Variants in ILF2 observed in about 807,000 individuals in gnomAD.
ILF2 encodes the protein interleukin enhancer-binding factor 2.
In ILF2, 9 loss-of-function variants were observed where a neutral mutation model predicts 55.3. That is an observed-to-expected ratio of 0.16 (90% CI 0.10 to 0.28). ILF2 has a LOEUF of 0.28. Among genes scored for constraint, ILF2 ranks in the 10% least tolerant of loss-of-function variants. The pLI is 1.00. For synonymous variants in ILF2, 151 were observed against 161.8 expected, an observed-to-expected ratio of 0.93 and a Z score of 0.50; for missense variants, 266 against 474.9, an observed-to-expected ratio of 0.56 and a Z score of 4.09.
rs1223639023 is a variant in ILF2 at position 153,668,069 on chromosome 1, G to A, written c.222C>T (p.Ile74=). The A allele has an allele frequency of 2.5e-6, 4 of 1,603,166 alleles. No homozygotes were observed. Among genetic ancestry groups the A allele is most frequent in the East Asian group, 2.2e-5 (1 of 44,830 alleles). Residue 74 remains isoleucine (I), a synonymous_variant, in exon 5 of 14, where the codon ATC becomes ATT. Coordinates refer to ENST00000361891, the MANE Select transcript of ILF2 (RefSeq NM_004515.4). ...TGTTTATTTTTGTCACCAGAGAAAG[G>A]ATAGATGCCTGAAAAACAGTATGAA... is the stretch of plus-strand genomic sequence containing the variant. ...LAPNSAEQAS[I]LSLVTKINNV...
At chr1:153,668,860 G>C (rs1282896591) in intron 3 of ILF2, among the ~76,000 whole-genome samples, 1 of 151,682 alleles carries the variant, frequency 6.6e-6, no homozygotes, top group Non-Finnish European at 1.5e-5. Flanking sequence ...TCGCGCCATT[G>C]CAACTCCAGC....
rs750173707 is a variant in ILF2 at position 153,670,960 on chromosome 1, C to A, written c.-38G>T. 9 of 1,614,106 alleles carry A rather than the reference C, an allele frequency of 5.6e-6. No individual in the cohort carries two copies. The highest frequency in any genetic ancestry group is 1.3e-5 in the African/African-American group (1 of 75,056). ...CACGAACAATGGAGGCCGCACCAAC[C>A]GCCCCTTCCTCTGAGTAGCAGACAA... On this transcript the variant is annotated 5_prime_UTR_variant, in exon 1 of 14. Transcript: ENST00000361891.
rs1196766870 is a variant in ILF2 at position 153,669,860 on chromosome 1, T to A, written c.84A>T (p.Pro28=). 6.2e-7 allele frequency: 1 copy of A among 1,613,116 alleles called. No homozygotes were observed. The highest frequency in any genetic ancestry group is 8.5e-7 in the Non-Finnish European group (1 of 1,179,074). ...CCAAATAGAAGTCAAATGGGATATG[T>A]GGTACAAAGGGCCTGAACCTAAAAC... ...GPGGGFRPFV[P]HIPFDFYLCE... Residue 28 remains proline, a synonymous_variant, in exon 3 of 14, where the codon CCA becomes CCT. Transcript: ENST00000361891.
chr1:153,664,621 G>A (rs966521271), intron 8 of ILF2, 147 bp from the exon 9 acceptor site: 20 of 665,104 alleles, frequency 3.0e-5, no homozygotes, highest in African/African-American at 2.3e-4. Context: ...GTACAGTGGC[G>A]TGATCTCAGC....
Position 153,668,438 on chromosome 1 carries a change from G to A in ILF2, c.213+15C>T, listed in dbSNP as rs762517314. The A allele has an allele frequency of 2.5e-6, 4 of 1,613,972 alleles. No individual in the cohort carries two copies. The East Asian group carries it at 8.9e-5, about 36-fold the overall frequency. ...GCTTTAGAGACATTTCTGGAAGACA[G>A]CCAAAAGAACATACCTGTTCAGCAG... On this transcript the variant is annotated intron_variant, in intron 4 of 13. Transcript: ENST00000361891.
In ILF2 at chr1:153,667,984, A is replaced by G; in HGVS notation, c.291+16T>C. 1 of 1,584,804 alleles carries G rather than the reference A, an allele frequency of 6.3e-7. No homozygotes were observed. Among genetic ancestry groups the G allele is most frequent in the Non-Finnish European group, 8.6e-7 (1 of 1,161,222 alleles). On this transcript the variant is annotated intron_variant, in intron 5 of 13. Transcript: ENST00000361891. The stretch of plus-strand genomic sequence containing the variant: ...CAAAGCTGCCCTTTCCTAAAACTAA[A>G]TCATCAAAAACTCACCACTTCAAAT...
chr1:153,663,445 C>T (rs1669226261), intron 10 of ILF2, among the ~76,000 whole-genome samples, 169 bp from the exon 11 acceptor site: 1 of 152,076 alleles, frequency 6.6e-6, no homozygotes. Flanking sequence ...CCTCCTGACT[C>T]AGCCTCCTGA....
At chr1:153,670,064 G>GT in intron 2 of ILF2, 107 bp downstream of exon 2, 1 of 1,234,592 alleles carries the variant, frequency 8.1e-7, no homozygotes, top group South Asian at 1.2e-5. Flanking sequence ...AAAGACCACA[G>GT]TTGGCTCTCG....
chr1:153,663,956 TTACTACTACTACTACTACTACTACTAC>T (rs10598064), intron 10 of ILF2, 60 bp downstream of exon 10: 71 of 422,786 alleles, frequency 1.7e-4, no homozygotes, highest in Non-Finnish European at 2.7e-4. Context: ...AATTTCAGAG[TTACTACTACTACTACTACTACTACTAC>T]TACTACTACT....
chr1:153,668,169 G>T lies in ILF2; in HGVS notation c.214-92C>A. ...TTTTCTCCTAATCCCTTCCATACAA[G>T]CTGACTCAATACTGACATAGGGCTT... On this transcript the variant is annotated intron_variant, in intron 4 of 13. Transcript: ENST00000361891. 4 of 979,896 alleles carry T rather than the reference G, an allele frequency of 4.1e-6. No homozygotes were observed. The South Asian group carries it at 6.2e-5, about 15-fold the overall frequency. 60.7% of individuals were successfully genotyped at this position (979,896 alleles called of 1,614,324 possible).
At chr1:153,666,462 G>A (rs1388168894) in intron 6 of ILF2, among the ~76,000 whole-genome samples, 3 of 151,894 alleles carry the variant, frequency 2.0e-5, no homozygotes, top group African/African-American at 4.8e-5. Flanking sequence ...CACTGCACCC[G>A]GCCCCACCTC....
chr1:153,667,790 C>T, intron 5 of ILF2, 133 bp from the exon 6 acceptor site: 1 of 709,554 alleles, frequency 1.4e-6, no homozygotes, highest in South Asian at 1.8e-5. Flanking sequence ...CCCCCAAAAC[C>T]ACCACATGAA....
In ILF2 at chr1:153,668,633, G is replaced by A. The variant is rs1272632178; in HGVS notation, c.109-76C>T. 24 of 1,474,696 alleles carry A rather than the reference G, an allele frequency of 1.6e-5. No individual in the cohort carries two copies. In the East Asian group the frequency reaches 3.8e-4, roughly 24 times the overall value. 91.4% of individuals were successfully genotyped at this position (1,474,696 alleles called of 1,614,324 possible). A position where few individuals can be genotyped will look rare whatever the true frequency, so the allele number is the denominator to read the frequency against. The stretch of plus-strand genomic sequence containing the variant: ...GAGAGATTGTTTTTTCTATTACTAC[G>A]ACAGAAAAAGGTTAAAAACAGAAAA... On this transcript the variant is annotated intron_variant, in intron 3 of 13. Coordinates refer to ENST00000361891, the MANE Select transcript of ILF2 (RefSeq NM_004515.4).
In ILF2 at chr1:153,661,991, A is replaced by G. The variant is rs370596919; in HGVS notation, c.*405T>C. On this transcript the variant is annotated 3_prime_UTR_variant, in exon 14 of 14. Transcript: ENST00000361891. ...AAAAGCAAAAAAGGTTGCCACATGC[A>G]AAAAAACAAACAAACAAAAAACACC... 168 of 158,620 alleles carry G rather than the reference A, an allele frequency of 1.1e-3. 4 individuals are homozygous for G. In the South Asian group the frequency reaches 0.031, roughly 29 times the overall value. The allele number at this position is 158,620 out of a possible 1,614,324, so 9.8% of individuals were successfully genotyped here.
chr1:153,662,550 G>C lies in ILF2; in HGVS notation c.1019C>G (p.Ala340Gly), dbSNP rs1238740672. ...TCCATCCCAGGTAGATATTTCAGAAGCAAGATCTAGGAAAGAGAAAAAGGT... is the reference window on the plus strand; with the variant it reads ...TCCATCCCAGGTAGATATTTCAGAACCAAGATCTAGGAAAGAGAAAAAGGT... The part of the protein sequence containing the change: ...LGQEGDASYL[A>G]SEISTWDGVI... Residue 340 changes from alanine to glycine, a missense_variant, in exon 14 of 14, where the codon GCT (alanine) becomes GGT (glycine). Ala to Gly is a moderately conservative substitution (Grantham distance 60). Coordinates refer to ENST00000361891, the MANE Select transcript of ILF2 (RefSeq NM_004515.4). The C allele has an allele frequency of 6.2e-7, 1 of 1,613,732 alleles. No individual in the cohort carries two copies. Among genetic ancestry groups the C allele is most frequent in the East Asian group, 2.2e-5 (1 of 44,896 alleles).
At position 153,664,429 on chromosome 1, in the gene ILF2, G is replaced by C. The variant is rs757908496; in HGVS notation, c.623C>G (p.Ala208Gly). The stretch of plus-strand genomic sequence containing the variant: ...AGAAGCATTTTCCTCGAACCAGCGG[G>C]CATGTCGGATGGCTGCTAAGGCACT... ...LQSALAAIRH[A>G]RWFEENASQS... Residue 208 changes from alanine to glycine, a missense_variant, in exon 9 of 14, where the codon GCC (alanine) becomes GGC (glycine). Coordinates refer to ENST00000361891, the MANE Select transcript of ILF2 (RefSeq NM_004515.4). 6.4e-5 allele frequency: 104 copies of C among 1,613,900 alleles called. No individual in the cohort carries two copies. Among genetic ancestry groups the C allele is most frequent in the Non-Finnish European group, 8.4e-5 (99 of 1,179,902 alleles).
chr1:153,665,915 C>T lies in ILF2; in HGVS notation c.395-187G>A, dbSNP rs549006565. ...CAGAAAAATTGGAAGACTCAGGGAA[C>T]AGGACCCCTCCTGTACTCATATCCT... is the stretch of plus-strand genomic sequence containing the variant. On this transcript the variant is annotated intron_variant, in intron 6 of 13. Coordinates refer to ENST00000361891, the MANE Select transcript of ILF2 (RefSeq NM_004515.4). 1.8e-4 allele frequency among the ~76,000 whole-genome samples: 27 copies of T among 152,252 alleles called. No individual in the cohort carries two copies. In the South Asian group the frequency reaches 5.6e-3, roughly 32 times the overall value.
chr1:153,668,419 G>T, intron 4 of ILF2, 34 bp downstream of exon 4: 1 of 1,613,268 alleles, frequency 6.2e-7, no homozygotes, highest in South Asian at 1.1e-5. Context: ...AACTGCTTTA[G>T]AGACATTTCT....
At chr1:153,664,349 G>T in intron 9 of ILF2, 47 bp downstream of exon 9, 1 of 1,432,970 alleles carries the variant, frequency 7.0e-7, no homozygotes, top group Non-Finnish European at 9.8e-7. Flanking sequence ...GCTATTCACT[G>T]CAGTTAAAAA....
Sources: gnomAD v4.1 joint callset for allele counts (sites outside exome capture counted in the v4.1 genomes callset) on GRCh38, gnomAD v4.1.1 for gene constraint, MANE v1.5 for transcripts, NCBI Gene and HGNC (gene_info 2026-07-23, HGNC 2026-07-21) for gene names.